The following FAM171B variants were observed in gnomAD, a reference collection of about 807,000 sequenced individuals.
FAM171B encodes family with sequence similarity 171 member B.
In FAM171B, 19 loss-of-function variants were observed where a neutral mutation model predicts 75.6. The observed-to-expected ratio is 0.25, with a 90% confidence interval of 0.18 to 0.37. The LOEUF is 0.37. FAM171B is among the 10% of genes least tolerant of loss of function. The pLI is 1.00. For synonymous variants in FAM171B, 367 were observed against 361.7 expected (o/e 1.01, Z -0.17); for missense variants, 848 against 982.4 (o/e 0.86, Z 1.83).
At chr2:186,731,769 T>C (rs926110354) in intron 1 of FAM171B, among the ~76,000 whole-genome samples, 3 of 152,100 alleles carry the variant, frequency 2.0e-5, no homozygotes, top group Non-Finnish European at 4.4e-5. Flanking sequence ...CCATTCCCCA[T>C]CACTCACATT....
chr2:186,759,094 C>A (rs1690577071), intron 6 of FAM171B, among the ~76,000 whole-genome samples: 1 of 152,222 alleles, frequency 6.6e-6, no homozygotes, highest in Middle Eastern at 3.4e-3. Flanking sequence ...ACAATGTCCT[C>A]AACTCCCATT....
At chr2:186,709,027 AG>A (rs1224835755) in intron 1 of FAM171B, among the ~76,000 whole-genome samples, 3 of 152,154 alleles carry the variant, frequency 2.0e-5, no homozygotes, top group African/African-American at 7.2e-5. Flanking sequence ...AGGAGGCCTC[AG>A]GGAGCTTCCA....
At chr2:186,732,291 T>G (rs1690129326) in intron 1 of FAM171B, among the ~76,000 whole-genome samples, 1 of 152,226 alleles carries the variant, frequency 6.6e-6, no homozygotes, top group South Asian at 2.1e-4. Flanking sequence ...TGATGTTTTA[T>G]AAGAATTTAA....
intron 6 of FAM171B, among the ~76,000 whole-genome samples, chr2:186,760,561 G>A (rs1050996137): frequency 2.6e-5 from 4 of 151,762 alleles, no homozygotes; most frequent in Non-Finnish European, 5.9e-5. Context: ...CCAGTTTTAC[G>A]GCCTCTTGAA....
chr2:186,713,006 T>C (rs893748017), intron 1 of FAM171B, among the ~76,000 whole-genome samples: 3 of 152,182 alleles, frequency 2.0e-5, no homozygotes, highest in Admixed American at 2.0e-4. Flanking sequence ...GCATAACAAA[T>C]GAGGGCAATC....
chr2:186,712,558 C>A (rs1288886344), intron 1 of FAM171B, among the ~76,000 whole-genome samples: 1 of 152,144 alleles, frequency 6.6e-6, no homozygotes. Flanking sequence ...TTGAGTAATA[C>A]CATAAGATGC....
Position 186,762,675 on chromosome 2 carries a change from A to G in FAM171B, c.2333A>G (p.Glu778Gly). Residue 778 changes from glutamate to glycine, a missense_variant, in exon 8 of 8, where the codon GAG (glutamate) becomes GGG (glycine). This residue lies in a region of FAM171B where 136 missense variants were observed against 159.3 expected (regional missense o/e 0.85). Coordinates refer to ENST00000304698, the MANE Select transcript of FAM171B (RefSeq NM_177454.4). This position sits in a 1 kb window ranked among gnomAD's most constrained non-coding sequence, Gnocchi z 4.0. ...SGVIMEHPGE[E>G]SPGRKSTVED... ...GTGATCATGGAGCACCCTGGAGAAG[A>G]GTCGCCAGGAAGGAAAAGCACTGTT... 6.2e-7 allele frequency: 1 copy of G among 1,613,204 alleles called. No individual in the cohort carries two copies. The highest frequency in any genetic ancestry group is 1.3e-5 in the African/African-American group (1 of 74,890).
chr2:186,736,565 T>TGG (rs1196040120), intron 1 of FAM171B, among the ~76,000 whole-genome samples: 16 of 51,624 alleles, frequency 3.1e-4, no homozygotes, highest in Non-Finnish European at 5.9e-4. Flanking sequence ...TGTGTGTGTG[T>TGG]GGGAGAGAGA....
chr2:186,750,825 T>C (rs921171943), intron 4 of FAM171B, among the ~76,000 whole-genome samples: 9 of 152,280 alleles, frequency 5.9e-5, no homozygotes, highest in African/African-American at 2.2e-4. Context: ...TATAGTGAGA[T>C]GGGGTTTTTT....
chr2:186,752,252 T>C (rs1388062796), intron 5 of FAM171B, among the ~76,000 whole-genome samples: 2 of 152,156 alleles, frequency 1.3e-5, no homozygotes, highest in East Asian at 3.8e-4. Context: ...AGGTCACATG[T>C]TGAAGCTGGA....
intron 1 of FAM171B, among the ~76,000 whole-genome samples, chr2:186,701,139 T>C (rs1657406762): frequency 6.6e-6 from 1 of 152,108 alleles, no homozygotes; most frequent in African/African-American, 2.4e-5. Flanking sequence ...CAAGCTGTTC[T>C]CAAACTCCTG....
In FAM171B at chr2:186,747,689, G is replaced by GAGT. The variant is rs560111660; in HGVS notation, c.724+441_724+443dup. On this transcript the variant is annotated intron_variant, in intron 4 of 7. Coordinates refer to ENST00000304698, the MANE Select transcript of FAM171B (RefSeq NM_177454.4). ...GAGATAGAAAAAAGTTTATAGATTG[G>GAGT]AGTAAGCTATTGTAAATATTTGCTA... Among the ~76,000 whole-genome samples, 81 of 151,986 alleles carry GAGT rather than the reference G, an allele frequency of 5.3e-4. 1 individual carries two copies. The highest frequency in any genetic ancestry group is 1.9e-3 in the African/African-American group (79 of 41,474).
intron 1 of FAM171B, among the ~76,000 whole-genome samples, chr2:186,732,170 T>A (rs74269790): frequency 0.014 from 1,344 of 95,676 alleles, 26 homozygotes; most frequent in African/African-American, 0.045. Context: ...CTATTATAAC[T>A]TTTTTTTGTT....
At chr2:186,740,549 A>G in intron 2 of FAM171B, 88 bp downstream of exon 2, 2 of 1,161,830 alleles carry the variant, frequency 1.7e-6, no homozygotes, top group South Asian at 3.2e-5. Flanking sequence ...TGTTCTGGTA[A>G]GCTGAAAATG....
At chr2:186,761,300 A>G in intron 7 of FAM171B, 64 bp downstream of exon 7, 1 of 1,553,296 alleles carries the variant, frequency 6.4e-7, no homozygotes, top group Non-Finnish European at 8.6e-7. Context: ...TATATTCTGT[A>G]CATTGAAAAG....
intron 1 of FAM171B, among the ~76,000 whole-genome samples, chr2:186,738,674 A>G (rs754452749): frequency 2.0e-5 from 3 of 152,042 alleles, no homozygotes; most frequent in African/African-American, 4.8e-5. Context: ...CCCATTTTTG[A>G]CTGTCTAGGA....
At chr2:186,730,695 A>G (rs1490158766) in intron 1 of FAM171B, among the ~76,000 whole-genome samples, 1 of 152,230 alleles carries the variant, frequency 6.6e-6, no homozygotes, top group South Asian at 2.1e-4. Flanking sequence ...TGAAAAAAAT[A>G]AAATCATCCA....
chr2:186,697,440 T>C (rs1689599579), intron 1 of FAM171B, among the ~76,000 whole-genome samples: 1 of 152,010 alleles, frequency 6.6e-6, no homozygotes, highest in African/African-American at 2.4e-5. Context: ...AGAGATAGGG[T>C]CCTGCTTTGT....
In FAM171B at chr2:186,763,049, T is replaced by C. The variant is rs906030423; in HGVS notation, c.*226T>C. The C allele has an allele frequency of 8.2e-6, 4 of 489,346 alleles. No individual in the cohort carries two copies. Among genetic ancestry groups the C allele is most frequent in the African/African-American group, 2.0e-5 (1 of 50,866 alleles). 30.3% of individuals were successfully genotyped at this position (489,346 alleles called of 1,614,324 possible). A position where few individuals can be genotyped will look rare whatever the true frequency, so the allele number is the denominator to read the frequency against. On this transcript the variant is annotated 3_prime_UTR_variant, in exon 8 of 8. Transcript: ENST00000304698. ...TGATGAATTTACAGTATCTAAGTTT[T>C]CAAAATGTAAAATAGCTTCAAGATG...
Sources: allele counts gnomAD v4.1 joint callset (sites outside exome capture counted in the v4.1 genomes callset), GRCh38; gene constraint gnomAD v4.1.1; regional missense constraint gnomAD v4.1.1; non-coding constraint Gnocchi (gnomAD v3.1); transcripts MANE v1.5; gene names NCBI Gene and HGNC (gene_info 2026-07-23, HGNC 2026-07-21).